Variants in MAPK6 observed in about 807,000 individuals in gnomAD.
MAPK6 encodes mitogen-activated protein kinase 6.
In MAPK6, 19 loss-of-function variants were observed where a neutral mutation model predicts 59.3. The observed-to-expected ratio is 0.32, with a 90% CI of 0.22 to 0.47. The LOEUF (loss-of-function observed/expected upper bound fraction) is 0.47, where lower values mean the gene tolerates loss of function less well. MAPK6 is among the 20% of genes least tolerant of loss of function. The pLI is 1.00. For synonymous variants in MAPK6, 316 were observed against 290.3 expected (o/e 1.09, Z -0.90); for missense variants, 724 against 847.9 (o/e 0.85, Z 1.81).
rs936179089 is a variant in MAPK6, at chr15:52,024,970, G to T, written c.-632+5594G>T. ...TCCTGGCCTCCTAACGTGCTGGGAA[G>T]AACCTGCATTTTAACAAGATTTTCA... On this transcript the variant is annotated intron_variant, in intron 1 of 5. Coordinates refer to ENST00000261845, the MANE Select transcript of MAPK6 (RefSeq NM_002748.4). Among the ~76,000 whole-genome samples the T allele has an allele frequency of 3.4e-5, 5 of 145,738 alleles. No individual in the cohort carries two copies. In the South Asian group the frequency reaches 1.1e-3, roughly 32 times the overall value.
Position 52,009,234 on chromosome 15 carries a change from C to A in MAPK6, c.-632+4832C>A, listed in dbSNP as rs549523768. 3.2e-4 allele frequency among the ~76,000 whole-genome samples: 49 copies of A among 152,290 alleles called. No homozygotes were observed. The Middle Eastern group carries it at 0.01, about 32-fold the overall frequency. On this transcript the variant is annotated intron_variant, in intron 3 of 7. Coordinates refer to the MAPK6 transcript ENST00000691380. ...GCACATGGGCTGACAAACATCCGGTCTATTCTTTCCTTTTATTTACTCTGG... is the reference window on the plus strand; with the variant it reads ...GCACATGGGCTGACAAACATCCGGTATATTCTTTCCTTTTATTTACTCTGG...
In MAPK6 at chr15:52,065,111, G is replaced by C; in HGVS notation, c.*111G>C. The C allele has an allele frequency of 2.0e-6, 2 of 997,592 alleles. No homozygotes were observed. The highest frequency in any genetic ancestry group is 2.8e-6 in the Non-Finnish European group (2 of 714,950). 61.8% of individuals were successfully genotyped at this position (997,592 alleles called of 1,614,324 possible). Reference sequence around the variant, plus strand: ...TGAATCAGATGGTGTCATTTAGTAAGGATTTTATGAGTTCTTGTTTTTTAA... The same window carrying C: ...TGAATCAGATGGTGTCATTTAGTAACGATTTTATGAGTTCTTGTTTTTTAA... On this transcript the variant is annotated 3_prime_UTR_variant, in exon 6 of 6. Transcript: ENST00000261845.
chr15:51,972,010 G>A (rs989009573), intron 1 of MAPK6, among the ~76,000 whole-genome samples: 1 of 151,948 alleles, frequency 6.6e-6, no homozygotes, highest in Admixed American at 6.6e-5. Flanking sequence ...GGTGTGGATG[G>A]GGTGGGCGGT....
chr15:52,062,938 C>G (rs2032261748), intron 5 of MAPK6, among the ~76,000 whole-genome samples: 1 of 152,130 alleles, frequency 6.6e-6, no homozygotes, highest in Admixed American at 6.5e-5. Flanking sequence ...TAATGCCAAT[C>G]TTTTTAATCT....
At chr15:52,003,735 C>G (rs1372943570) in intron 2 of MAPK6, among the ~76,000 whole-genome samples, 1 of 152,140 alleles carries the variant, frequency 6.6e-6, no homozygotes, top group Non-Finnish European at 1.5e-5. Context: ...TTAAATGTGA[C>G]TGAAAAAATG....
Position 52,066,582 on chromosome 15 carries a change from T to C in MAPK6, c.*1582T>C, listed in dbSNP as rs1185964524. ...TCCTCTTCACCTCACTTTTCTTTCA[T>C]CCTTGTTTTGTACAACACCAATTCT... On this transcript the variant is annotated 3_prime_UTR_variant, in exon 6 of 6. Coordinates refer to ENST00000261845, the MANE Select transcript of MAPK6 (RefSeq NM_002748.4). The C allele has an allele frequency of 1.4e-5, 2 of 140,676 alleles. No homozygotes were observed. Among genetic ancestry groups the C allele is most frequent in the Non-Finnish European group, 3.1e-5 (2 of 63,616 alleles). 8.7% of individuals were successfully genotyped at this position (140,676 alleles called of 1,614,324 possible).
chr15:52,039,842 T>C (rs1032603273), intron 1 of MAPK6, among the ~76,000 whole-genome samples: 2 of 152,216 alleles, frequency 1.3e-5, no homozygotes, highest in Non-Finnish European at 2.9e-5. Context: ...TTGGATACTT[T>C]GTTACTGTCT....
intron 4 of MAPK6, among the ~76,000 whole-genome samples, chr15:52,060,246 A>C (rs1455050348): frequency 6.6e-6 from 1 of 152,296 alleles, no homozygotes; most frequent in African/African-American, 2.4e-5. Context: ...TCTTAAAATT[A>C]TCTTTCTAAA....
chr15:52,055,148 A>G (rs1265443194), intron 3 of MAPK6, among the ~76,000 whole-genome samples: 3 of 152,194 alleles, frequency 2.0e-5, no homozygotes, highest in African/African-American at 4.8e-5. Flanking sequence ...TGGCTAATAC[A>G]TGTAATCCCA....
chr15:51,978,800 A>G (rs571619766), intron 1 of MAPK6, among the ~76,000 whole-genome samples: 1 of 151,884 alleles, frequency 6.6e-6, no homozygotes, highest in African/African-American at 2.4e-5. Context: ...CATAGATTAC[A>G]TTACATTCCT....
intron 3 of MAPK6, 141 bp downstream of exon 3, chr15:52,050,278 TAA>T: frequency 1.3e-6 from 1 of 754,136 alleles, no homozygotes; most frequent in Non-Finnish European, 2.0e-6. Context: ...GCGTTTTTAA[TAA>T]AAAAATTGAG....
chr15:52,030,712 C>T (rs780437488), intron 1 of MAPK6, among the ~76,000 whole-genome samples: 3 of 145,294 alleles, frequency 2.1e-5, no homozygotes, highest in Non-Finnish European at 3.0e-5. Flanking sequence ...GTGCAACCTG[C>T]GCTTCCCAGG....
intron 3 of MAPK6, among the ~76,000 whole-genome samples, chr15:52,054,225 G>T (rs2031881590): frequency 6.6e-6 from 1 of 151,812 alleles, no homozygotes; most frequent in South Asian, 2.1e-4. Context: ...AAAATTAGCT[G>T]GGCATGGTGG....
chr15:52,016,107 C>CACACACACAAA (rs1267339787), upstream of MAPK6, among the ~76,000 whole-genome samples: 10 of 136,308 alleles, frequency 7.3e-5, no homozygotes, highest in South Asian at 2.5e-4. Context: ...CACACACACA[C>CACACACACAAA]AAACTAAAAC....
intron 3 of MAPK6, among the ~76,000 whole-genome samples, chr15:52,005,196 C>T (rs2057254486): frequency 6.6e-6 from 1 of 152,142 alleles, no homozygotes; most frequent in South Asian, 2.1e-4. Flanking sequence ...AAAATAGGCA[C>T]TCAAAGGCTA....
chr15:52,041,111 C>T (rs16964694), intron 1 of MAPK6, among the ~76,000 whole-genome samples: 3,475 of 152,218 alleles, frequency 0.023, 92 homozygotes, highest in East Asian at 0.076. Flanking sequence ...TTTTTACTGC[C>T]TTGTTGAAGT....
intron 2 of MAPK6, among the ~76,000 whole-genome samples, chr15:51,986,983 G>C (rs1376676118): frequency 6.6e-6 from 1 of 151,976 alleles, no homozygotes; most frequent in South Asian, 2.1e-4. Flanking sequence ...ATTTAATTTT[G>C]CTCAAAGTCT....
chr15:52,023,436 C>A (rs1271521965), intron 1 of MAPK6, among the ~76,000 whole-genome samples: 2 of 152,202 alleles, frequency 1.3e-5, no homozygotes. Context: ...TGAGACTTCA[C>A]AAAAACAACT....
rs957606374 is a variant in MAPK6, at chr15:51,989,252, G to A, written c.-770+5937G>A. ...CCGTCATCATGCCCTGCTAATTTTTGTATTTTTGTAGAGACCGGATTTCAA... is the reference window on the plus strand; with the variant it reads ...CCGTCATCATGCCCTGCTAATTTTTATATTTTTGTAGAGACCGGATTTCAA... On this transcript the variant is annotated intron_variant, in intron 2 of 7. Coordinates refer to the MAPK6 transcript ENST00000691380. Among the ~76,000 whole-genome samples, 75 of 151,698 alleles carry A rather than the reference G, an allele frequency of 4.9e-4. 1 individual carries two copies. Among genetic ancestry groups the A allele is most frequent in the Middle Eastern group, 3.4e-3 (1 of 292 alleles).
Sources: allele counts gnomAD v4.1 joint callset (sites outside exome capture counted in the v4.1 genomes callset), GRCh38; gene constraint gnomAD v4.1.1; transcripts MANE v1.5; gene names NCBI Gene and HGNC (gene_info 2026-07-23, HGNC 2026-07-21).